Variants in TCF12 observed in about 807,000 individuals in gnomAD.
TCF12 encodes the protein DNA-binding protein HTF4.
A neutral mutation model predicts 86.0 loss-of-function variants in TCF12; 45 were observed. The ratio of observed to expected loss-of-function variants is 0.52; its 90% confidence interval spans 0.41 to 0.67. The LOEUF (loss-of-function observed/expected upper bound fraction) is 0.67, where lower values mean the gene tolerates loss of function less well. TCF12 is among the 30% of genes least tolerant of loss of function. The pLI, the probability that TCF12 is intolerant of heterozygous loss-of-function variation, is 0.00. For missense variants in TCF12, 881 were observed against 859.9 expected, an observed-to-expected ratio of 1.02 and a Z score of -0.31; for synonymous variants, 330 against 299.6, an observed-to-expected ratio of 1.10 and a Z score of -1.05.
intron 7 of TCF12, among the ~76,000 whole-genome samples, chr15:57,193,919 G>C (rs1234758397): frequency 6.6e-6 from 1 of 152,088 alleles, no homozygotes; most frequent in East Asian, 1.9e-4. Context: ...ATTAAAGAAA[G>C]GATAAATTGT....
chr15:57,177,991 AGT>A (rs1372447963), intron 6 of TCF12, among the ~76,000 whole-genome samples: 1 of 152,182 alleles, frequency 6.6e-6, no homozygotes, highest in Non-Finnish European at 1.5e-5. Context: ...GATGATACTT[AGT>A]GCTCGTTGGA....
chr15:56,972,392 A>G (rs1287877786), intron 3 of TCF12, among the ~76,000 whole-genome samples: 2 of 152,254 alleles, frequency 1.3e-5, no homozygotes, highest in Non-Finnish European at 2.9e-5. Context: ...TTGTCAGTAC[A>G]TAGGAAAGTG....
intron 8 of TCF12, among the ~76,000 whole-genome samples, chr15:57,230,207 T>G (rs1292023985): frequency 6.6e-6 from 1 of 151,996 alleles, no homozygotes; most frequent in African/African-American, 2.4e-5. Context: ...CAGTCAACAC[T>G]TAAAATTTTT....
At chr15:57,160,295 TG>T (rs2054406981) in intron 5 of TCF12, among the ~76,000 whole-genome samples, 1 of 152,128 alleles carries the variant, frequency 6.6e-6, no homozygotes, top group Non-Finnish European at 1.5e-5. Flanking sequence ...CTTCTTCACG[TG>T]GTGGCAGCAT....
chr15:57,195,472 A>C (rs2057211067), intron 7 of TCF12, among the ~76,000 whole-genome samples: 1 of 152,194 alleles, frequency 6.6e-6, no homozygotes, highest in Non-Finnish European at 1.5e-5. Context: ...GTTCAAGGGA[A>C]TGCTGTATTA....
chr15:57,168,323 G>T (rs1416770737), intron 6 of TCF12, among the ~76,000 whole-genome samples: 1 of 152,150 alleles, frequency 6.6e-6, no homozygotes, highest in Non-Finnish European at 1.5e-5. Flanking sequence ...CAGAATATAA[G>T]TGCTTATTCA....
chr15:57,219,091 T>C (rs1303515885), intron 8 of TCF12: 1 of 1,056,996 alleles, frequency 9.5e-7, no homozygotes, highest in Non-Finnish European at 1.1e-6. Context: ...TAGGTTTCTC[T>C]GCCACAAGTG....
At chr15:56,947,348 C>G (rs1186514541) in intron 3 of TCF12, among the ~76,000 whole-genome samples, 1 of 152,114 alleles carries the variant, frequency 6.6e-6, no homozygotes, top group Non-Finnish European at 1.5e-5. Flanking sequence ...TCCAAGGTGA[C>G]TCCATGCACG....
chr15:56,963,027 C>CTTTTTTTT (rs532973260), intron 3 of TCF12, among the ~76,000 whole-genome samples: 4 of 96,234 alleles, frequency 4.2e-5, no homozygotes, highest in African/African-American at 1.1e-4. Flanking sequence ...GTGTTAAGGT[C>CTTTTTTTT]TTTTTTTTTT....
chr15:57,082,861 T>A (rs1168070098), intron 4 of TCF12, among the ~76,000 whole-genome samples: 2 of 152,190 alleles, frequency 1.3e-5, no homozygotes, highest in Non-Finnish European at 2.9e-5. Flanking sequence ...GGAGACATAT[T>A]CCTAAAATGT....
intron 3 of TCF12, among the ~76,000 whole-genome samples, chr15:56,936,200 G>T (rs148979027): frequency 6.6e-6 from 1 of 152,208 alleles, no homozygotes; most frequent in African/African-American, 2.4e-5. Context: ...GTATTGCATT[G>T]TGGTTTGGAT....
intron 3 of TCF12, among the ~76,000 whole-genome samples, chr15:56,951,142 T>G (rs1322908323): frequency 1.3e-5 from 2 of 152,196 alleles, no homozygotes; most frequent in Non-Finnish European, 2.9e-5. Context: ...CCAAAGCGGT[T>G]GTATCATTTT....
At chr15:56,990,969 A>AT (rs567871028) in intron 3 of TCF12, among the ~76,000 whole-genome samples, 4 of 151,452 alleles carry the variant, frequency 2.6e-5, no homozygotes, top group African/African-American at 7.3e-5. Flanking sequence ...TAATCCTTAA[A>AT]TTTTTTTGTA....
rs545747023 is a variant in TCF12 at position 57,183,588 on chromosome 15, A to T, written c.391-8570A>T. Among the ~76,000 whole-genome samples, 3 of 152,284 alleles carry T rather than the reference A, an allele frequency of 2.0e-5. No homozygotes were observed. In the South Asian group the frequency reaches 6.2e-4, roughly 32 times the overall value. On this transcript the variant is annotated intron_variant, in intron 6 of 20. Coordinates refer to ENST00000333725, the MANE Select transcript of TCF12 (RefSeq NM_207037.2). ...TCCTGAAATCTTAGATCACTTACTTAAGACAAAAGGTTTATGCCCAGGAAA... is the reference window on the plus strand; with the variant it reads ...TCCTGAAATCTTAGATCACTTACTTTAGACAAAAGGTTTATGCCCAGGAAA...
At chr15:56,920,292 C>T (rs1017923666) in intron 2 of TCF12, among the ~76,000 whole-genome samples, 4 of 152,072 alleles carry the variant, frequency 2.6e-5, no homozygotes, top group African/African-American at 9.7e-5. Flanking sequence ...CACCCTCCCA[C>T]CGCGATGATT....
chr15:56,988,905 A>G (rs1284259132), intron 3 of TCF12, among the ~76,000 whole-genome samples: 2 of 152,188 alleles, frequency 1.3e-5, no homozygotes, highest in Non-Finnish European at 1.5e-5. Flanking sequence ...GCTGTATCAT[A>G]TAACTCAATA....
chr15:57,206,370 G>C (rs984097470), intron 8 of TCF12, among the ~76,000 whole-genome samples: 1 of 152,014 alleles, frequency 6.6e-6, no homozygotes, highest in Non-Finnish European at 1.5e-5. Context: ...GCATGGTGGT[G>C]CACACCTGTA....
intron 3 of TCF12, among the ~76,000 whole-genome samples, chr15:56,958,678 AGTGTGTGTGT>A (rs55707134): frequency 0.013 from 1,912 of 142,250 alleles, 34 homozygotes; most frequent in African/African-American, 0.045. Flanking sequence ...AGAGAGAGAG[AGTGTGTGTGT>A]GTGTGTGTGT....
At chr15:56,939,084 A>G (rs566014212) in intron 3 of TCF12, among the ~76,000 whole-genome samples, 18 of 151,790 alleles carry the variant, frequency 1.2e-4, no homozygotes, top group Non-Finnish European at 2.6e-4. Context: ...TTCACTCTCA[A>G]CCTGCAATAC....
Sources: allele counts gnomAD v4.1 joint callset (sites outside exome capture counted in the v4.1 genomes callset), GRCh38; gene constraint gnomAD v4.1.1; transcripts MANE v1.5; gene names NCBI Gene and HGNC (gene_info 2026-07-23, HGNC 2026-07-21).